LRMDA: variants seen among roughly 807,000 people sequenced by gnomAD.
The protein encoded by LRMDA is leucine rich melanocyte differentiation associated.
LRMDA carries 18 observed loss-of-function variants against 29.8 expected under a neutral mutation model. The ratio of observed to expected loss-of-function variants is 0.60; its 90% CI spans 0.42 to 0.90. LRMDA has a LOEUF of 0.90. LRMDA is among the 40% of genes least tolerant of loss of function. The pLI is 0.00. For synonymous variants in LRMDA, 125 were observed against 109.4 expected (o/e 1.14, Z -0.89); for missense variants, 273 against 273.9 (o/e 1.00, Z 0.02).
chr10:75,705,119 A>G (rs1038082903), intron 2 of LRMDA, among the ~76,000 whole-genome samples: 3 of 152,206 alleles, frequency 2.0e-5, no homozygotes, highest in African/African-American at 7.2e-5. Context: ...TGAAGCATTT[A>G]GCGTGGAACG....
intron 6 of LRMDA, among the ~76,000 whole-genome samples, chr10:76,471,124 C>A (rs945401870): frequency 4.0e-5 from 6 of 151,478 alleles, no homozygotes; most frequent in Non-Finnish European, 5.9e-5. Flanking sequence ...TCTATAGGAA[C>A]AAATGAAAAG....
chr10:75,431,862 G>T, intron 1 of LRMDA, 108 bp downstream of exon 1: 1 of 1,115,398 alleles, frequency 9.0e-7, no homozygotes, highest in Non-Finnish European at 1.1e-6. Context: ...CCGCCTCAGG[G>T]GGCTGCGTCT....
chr10:75,580,588 A>G (rs909368239), intron 2 of LRMDA, among the ~76,000 whole-genome samples: 2 of 152,146 alleles, frequency 1.3e-5, no homozygotes, highest in African/African-American at 4.8e-5. Context: ...ATATGGAACC[A>G]AAAAAAGAGC....
At chr10:76,519,692 G>A (rs775733103) in intron 6 of LRMDA, among the ~76,000 whole-genome samples, 8 of 152,110 alleles carry the variant, frequency 5.3e-5, no homozygotes, top group South Asian at 2.1e-4. Context: ...CAAACATTAC[G>A]TACTACCATT....
At chr10:75,838,007 A>G (rs992775965) in intron 2 of LRMDA, among the ~76,000 whole-genome samples, 4 of 152,088 alleles carry the variant, frequency 2.6e-5, no homozygotes, top group African/African-American at 9.7e-5. Flanking sequence ...ATTGAAATGT[A>G]TTTTCAATTC....
At chr10:76,042,803 A>G (rs1300027556) in intron 3 of LRMDA, among the ~76,000 whole-genome samples, 1 of 152,192 alleles carries the variant, frequency 6.6e-6, no homozygotes, top group Non-Finnish European at 1.5e-5. Flanking sequence ...TTTTTAAAAT[A>G]GTTTAGAAAT....
At chr10:75,718,898 G>C (rs1006885123) in intron 2 of LRMDA, among the ~76,000 whole-genome samples, 23 of 152,164 alleles carry the variant, frequency 1.5e-4, no homozygotes, top group Non-Finnish European at 2.9e-4. Flanking sequence ...ATATCTAAAA[G>C]AGGACAAATA....
chr10:75,579,875 T>G (rs1359762898), intron 2 of LRMDA, among the ~76,000 whole-genome samples: 1 of 152,230 alleles, frequency 6.6e-6, no homozygotes, highest in Non-Finnish European at 1.5e-5. Flanking sequence ...TCAACAGCCT[T>G]TCATGCTGAA....
chr10:76,538,919 CTCTT>C (rs1843322043), intron 6 of LRMDA, among the ~76,000 whole-genome samples: 2 of 151,772 alleles, frequency 1.3e-5, no homozygotes, highest in African/African-American at 4.9e-5. Flanking sequence ...AAGAATTTCT[CTCTT>C]TCCTTTTCTT....
At chr10:75,930,070 T>C (rs1051419388) in intron 2 of LRMDA, among the ~76,000 whole-genome samples, 1 of 152,216 alleles carries the variant, frequency 6.6e-6, no homozygotes, top group Non-Finnish European at 1.5e-5. Flanking sequence ...TGGAATCATA[T>C]GCTGAGAGGC....
chr10:76,368,067 A>G (rs1210352172), intron 6 of LRMDA, among the ~76,000 whole-genome samples: 1 of 151,918 alleles, frequency 6.6e-6, no homozygotes, highest in East Asian at 1.9e-4. Context: ...TGTTTCATTT[A>G]TCTTTTGTAT....
At chr10:75,884,969 C>T (rs1316387162) in intron 2 of LRMDA, among the ~76,000 whole-genome samples, 3 of 151,556 alleles carry the variant, frequency 2.0e-5, no homozygotes, top group Non-Finnish European at 4.4e-5. Context: ...CCGGGGAGGA[C>T]AGCAGTTCAG....
chr10:76,441,645 G>A (rs775153303), intron 6 of LRMDA, among the ~76,000 whole-genome samples: 1 of 152,138 alleles, frequency 6.6e-6, no homozygotes, highest in African/African-American at 2.4e-5. Flanking sequence ...CAGGGGGAGT[G>A]GCAGCCTTTC....
chr10:75,611,362 G>A (rs960870728), intron 2 of LRMDA, among the ~76,000 whole-genome samples: 1 of 152,110 alleles, frequency 6.6e-6, no homozygotes, highest in African/African-American at 2.4e-5. Flanking sequence ...CCTTTTTATT[G>A]TAATAAAATT....
rs532303261 is a variant in LRMDA at position 76,479,874 on chromosome 10, T to C, written c.602-77335T>C. Among the ~76,000 whole-genome samples the C allele has an allele frequency of 2.7e-4, 41 of 152,088 alleles. 1 individual carries two copies. In the Middle Eastern group the frequency reaches 0.01, roughly 38 times the overall value. On this transcript the variant is annotated intron_variant, in intron 6 of 6. Transcript: ENST00000611255. ...ATCCATTAACTGAGCTGTTGAAGTT[T>C]AGATGATTATAGCCTTAACTTATTT...
intron 5 of LRMDA, among the ~76,000 whole-genome samples, chr10:76,315,855 A>G (rs1161782972): frequency 6.6e-6 from 1 of 152,054 alleles, no homozygotes; most frequent in Non-Finnish European, 1.5e-5. Flanking sequence ...ATGGCAGCCC[A>G]TGGACCAATC....
intron 2 of LRMDA, among the ~76,000 whole-genome samples, chr10:75,879,954 CT>C (rs1475710567): frequency 2.0e-5 from 3 of 152,122 alleles, no homozygotes; most frequent in Non-Finnish European, 4.4e-5. Context: ...TGATTAGCTT[CT>C]TCTACACATG....
intron 2 of LRMDA, among the ~76,000 whole-genome samples, chr10:75,915,366 C>T (rs1182625678): frequency 6.6e-6 from 1 of 151,996 alleles, no homozygotes; most frequent in Non-Finnish European, 1.5e-5. Context: ...GAACTGCTGA[C>T]CTCAGGTGAT....
At chr10:76,012,622 G>T (rs562377531) in intron 2 of LRMDA, among the ~76,000 whole-genome samples, 1 of 152,264 alleles carries the variant, frequency 6.6e-6, no homozygotes, top group African/African-American at 2.4e-5. Context: ...AAGCGGGCTG[G>T]GATGTAAGTT....
Sources: allele counts gnomAD v4.1 joint callset (sites outside exome capture counted in the v4.1 genomes callset), GRCh38; gene constraint gnomAD v4.1.1; transcripts MANE v1.5; gene names NCBI Gene and HGNC (gene_info 2026-07-23, HGNC 2026-07-21).